The following SHANK2 variants were observed in gnomAD, a reference collection of about 807,000 sequenced individuals.
The protein encoded by SHANK2 is SH3 and multiple ankyrin repeat domains protein 2.
In SHANK2, 43 loss-of-function variants were observed where a neutral mutation model predicts 133.7. The ratio of observed to expected loss-of-function variants is 0.32; its 90% CI spans 0.25 to 0.41. The LOEUF (loss-of-function observed/expected upper bound fraction) is 0.41, where lower values mean the gene tolerates loss of function less well. Ranked by LOEUF, SHANK2 falls within the 10% of genes least tolerant of loss-of-function variation. The probability of loss-of-function intolerance (pLI) is 1.00; values close to 1 mark genes in which losing one functional copy is unlikely to be tolerated. For missense variants in SHANK2, 1,994 were observed against 2,235.8 expected, an observed-to-expected ratio of 0.89 and a Z score of 2.18; for synonymous variants, 1,017 against 952.8, an observed-to-expected ratio of 1.07 and a Z score of -1.24.
intron 15 of SHANK2, among the ~76,000 whole-genome samples, chr11:70,670,962 C>T (rs1375665874): frequency 6.6e-6 from 1 of 152,174 alleles, no homozygotes; most frequent in African/African-American, 2.4e-5. Flanking sequence ...CGTGCGCTGG[C>T]GGAAGCCATT....
intron 5 of SHANK2, among the ~76,000 whole-genome samples, chr11:71,112,033 G>A (rs374254828): frequency 3.3e-5 from 5 of 152,134 alleles, no homozygotes; most frequent in South Asian, 2.1e-4. Context: ...GGCAACTGCC[G>A]CCCACATCTG....
At chr11:70,563,406 C>T (rs782523447) in intron 17 of SHANK2, among the ~76,000 whole-genome samples, 3 of 152,164 alleles carry the variant, frequency 2.0e-5, no homozygotes, top group Non-Finnish European at 4.4e-5. Flanking sequence ...CTTTCCATGT[C>T]GTAATCCCCA....
At chr11:71,084,137 T>A (rs1053873936) in intron 8 of SHANK2, among the ~76,000 whole-genome samples, 8 of 151,856 alleles carry the variant, frequency 5.3e-5, no homozygotes, top group African/African-American at 1.7e-4. Context: ...TTGCTGCTAA[T>A]TTTTTTTGTA....
chr11:70,583,159 C>T (rs945827220), intron 17 of SHANK2, among the ~76,000 whole-genome samples: 25 of 152,220 alleles, frequency 1.6e-4, no homozygotes, highest in South Asian at 1.0e-3. Context: ...GAGGCCAGAG[C>T]GGGGATGCCT....
intron 20 of SHANK2, among the ~76,000 whole-genome samples, chr11:70,501,425 G>A (rs781994692): frequency 6.6e-6 from 1 of 152,246 alleles, no homozygotes; most frequent in Non-Finnish European, 1.5e-5. Context: ...GGACTGGACC[G>A]TGGGCCTTGG....
chr11:71,245,863 C>T (rs1441859721), intron 1 of SHANK2, among the ~76,000 whole-genome samples: 1 of 152,224 alleles, frequency 6.6e-6, no homozygotes, highest in Non-Finnish European at 1.5e-5. Context: ...GACCTGTCCA[C>T]CTCGTGAGGA....
intron 8 of SHANK2, among the ~76,000 whole-genome samples, chr11:71,077,928 G>T (rs1413968458): frequency 6.6e-6 from 1 of 152,078 alleles, no homozygotes; most frequent in Non-Finnish European, 1.5e-5. Context: ...CTAATATAGA[G>T]ACTAATAAAA....
intron 17 of SHANK2, among the ~76,000 whole-genome samples, chr11:70,504,586 CT>C (rs1277544547): frequency 6.6e-6 from 1 of 152,198 alleles, no homozygotes; most frequent in African/African-American, 2.4e-5. Context: ...CACTGGACAG[CT>C]GGTCACCCTG....
intron 1 of SHANK2, among the ~76,000 whole-genome samples, chr11:71,250,448 T>C (rs1181274242): frequency 6.6e-6 from 1 of 152,094 alleles, no homozygotes; most frequent in African/African-American, 2.4e-5. Flanking sequence ...CAGAGGACAG[T>C]GACATCCGGC....
chr11:70,839,409 G>C (rs1948870066), intron 11 of SHANK2, among the ~76,000 whole-genome samples: 1 of 152,188 alleles, frequency 6.6e-6, no homozygotes, highest in African/African-American at 2.4e-5. Flanking sequence ...AGTCTCCCCA[G>C]GTCTGGAGGC....
intron 2 of SHANK2, among the ~76,000 whole-genome samples, chr11:71,165,037 A>AT (rs571925889): frequency 0.23 from 32,744 of 143,030 alleles, 3,903 homozygotes; most frequent in South Asian, 0.3. Context: ...TCTTGTCTTC[A>AT]TTTTTTTTTT....
chr11:70,853,202 G>A (rs1165753072), intron 11 of SHANK2, among the ~76,000 whole-genome samples: 4 of 152,228 alleles, frequency 2.6e-5, no homozygotes, highest in African/African-American at 2.4e-5. Flanking sequence ...GCAACACTCC[G>A]TGAGCTCTGG....
At chr11:70,839,170 A>G (rs77338132) in intron 11 of SHANK2, among the ~76,000 whole-genome samples, 10,928 of 152,326 alleles carry the variant, frequency 0.072, 650 homozygotes, top group East Asian at 0.21. Flanking sequence ...TATTCAGTAA[A>G]GTGGGGGAGA....
At chr11:70,899,819 G>A (rs1036557366) in intron 10 of SHANK2, among the ~76,000 whole-genome samples, 1 of 152,190 alleles carries the variant, frequency 6.6e-6, no homozygotes, top group Non-Finnish European at 1.5e-5. Context: ...AGCCCTTGCC[G>A]AATGCCTGAG....
chr11:70,729,618 A>G (rs1555031590), intron 14 of SHANK2, among the ~76,000 whole-genome samples: 1 of 148,432 alleles, frequency 6.7e-6, no homozygotes, highest in African/African-American at 2.5e-5. Context: ...TCCGCCTCCC[A>G]GGTTCACGCC....
intron 25 of SHANK2, among the ~76,000 whole-genome samples, chr11:70,480,390 AG>A (rs2058718306): frequency 6.6e-6 from 1 of 152,204 alleles, no homozygotes; most frequent in Non-Finnish European, 1.5e-5. Context: ...GCATGTGGTC[AG>A]GGTTAACCTG....
At chr11:70,753,871 G>A (rs1357168392) in intron 14 of SHANK2, among the ~76,000 whole-genome samples, 3 of 108,462 alleles carry the variant, frequency 2.8e-5, no homozygotes, top group Non-Finnish European at 5.8e-5. Context: ...GAGTGCAGTG[G>A]TGCAATCTCA....
At chr11:71,143,108 G>A (rs1411323138) in intron 3 of SHANK2, among the ~76,000 whole-genome samples, 33 of 152,250 alleles carry the variant, frequency 2.2e-4, no homozygotes, top group Admixed American at 1.8e-3. Flanking sequence ...GGCGGCAGGC[G>A]CCTGAAATCC....
intron 12 of SHANK2, among the ~76,000 whole-genome samples, chr11:70,808,542 T>A (rs1317792510): frequency 8.8e-6 from 1 of 114,242 alleles, no homozygotes; most frequent in African/African-American, 3.4e-5. Flanking sequence ...CTGGGCAACA[T>A]GATGAAACCC....
Sources: gnomAD v4.1 joint callset for allele counts (sites outside exome capture counted in the v4.1 genomes callset) on GRCh38, gnomAD v4.1.1 for gene constraint, MANE v1.5 for transcripts, NCBI Gene and HGNC (gene_info 2026-07-23, HGNC 2026-07-21) for gene names.